Variants in IL33 observed in about 807,000 individuals in gnomAD.
IL33 encodes the protein interleukin 33.
IL33 carries 37 observed loss-of-function variants against 27.3 expected under a neutral mutation model. The ratio of observed to expected loss-of-function variants is 1.36; its 90% CI spans 1.04 to 1.78. The LOEUF (loss-of-function observed/expected upper bound fraction) is 1.78. Ranked by LOEUF, IL33 falls within the 40% of genes most tolerant of loss-of-function variation. The pLI is 0.00. For missense variants in IL33, 406 were observed against 311.4 expected, an observed-to-expected ratio of 1.30 and a Z score of -2.29; for synonymous variants, 132 against 102.9, an observed-to-expected ratio of 1.28 and a Z score of -1.71.
intron 5 of IL33, 101 bp downstream of exon 5, chr9:6,253,092 T>A (rs1210791722): frequency 1.2e-6 from 1 of 828,212 alleles, no homozygotes; most frequent in Non-Finnish European, 1.8e-6. Context: ...AACTTAGACA[T>A]GGCAAACAGG....
intron 4 of IL33, 102 bp from the exon 5 acceptor site, chr9:6,252,764 C>T: frequency 1.4e-6 from 2 of 1,393,916 alleles, no homozygotes; most frequent in Non-Finnish European, 2.0e-6. Flanking sequence ...CAGTGACATA[C>T]AAAATGCAAC....
At chr9:6,220,475 C>A (rs1818361009) in intron 1 of IL33, among the ~76,000 whole-genome samples, 1 of 152,150 alleles carries the variant, frequency 6.6e-6, no homozygotes, top group South Asian at 2.1e-4. Flanking sequence ...TTATTACTGG[C>A]AATTGTTTAA....
chr9:6,255,659 C>G (rs544344979), intron 7 of IL33, among the ~76,000 whole-genome samples: 1 of 152,154 alleles, frequency 6.6e-6, no homozygotes, highest in East Asian at 1.9e-4. Context: ...AAAGCAACAT[C>G]CCCAAGATCT....
At chr9:6,223,881 C>A (rs1448580994) in intron 1 of IL33, among the ~76,000 whole-genome samples, 1 of 152,092 alleles carries the variant, frequency 6.6e-6, no homozygotes, top group African/African-American at 2.4e-5. Context: ...GTCTTCCCAC[C>A]CTTCTACTCT....
At chr9:6,246,648 C>T (rs1383877968) in intron 2 of IL33, among the ~76,000 whole-genome samples, 1 of 152,104 alleles carries the variant, frequency 6.6e-6, no homozygotes, top group Admixed American at 6.6e-5. Context: ...TGGATTAATG[C>T]CATTGTCATG....
chr9:6,238,936 C>T (rs761409596), intron 1 of IL33, among the ~76,000 whole-genome samples: 1 of 152,082 alleles, frequency 6.6e-6, no homozygotes, highest in Non-Finnish European at 1.5e-5. Context: ...TTTTTCAGTA[C>T]GATACAGTGA....
Position 6,254,514 on chromosome 9 carries a change from C to T in IL33, c.573C>T (p.Asp191=), listed in dbSNP as rs1473830843. The T allele has an allele frequency of 3.8e-6, 6 of 1,596,316 alleles. No individual in the cohort carries two copies. Among genetic ancestry groups the T allele is most frequent in the Non-Finnish European group, 5.1e-6 (6 of 1,169,492 alleles). Residue 191 remains aspartate (D), a synonymous_variant, in exon 7 of 8, where the codon GAC becomes GAT. Transcript: ENST00000682010. ...MLMVTLSPTK[D]FWLHANNKEH... is the part of the protein sequence containing the mutation. ...TGGTAACCCTGAGTCCTACAAAAGA[C>T]TTCTGGTTGCATGCCAACAACAAGG... is the stretch of plus-strand genomic sequence containing the variant.
At chr9:6,234,932 T>C (rs1311356881) in intron 1 of IL33, among the ~76,000 whole-genome samples, 1 of 152,232 alleles carries the variant, frequency 6.6e-6, no homozygotes, top group African/African-American at 2.4e-5. Flanking sequence ...TGCATACTGG[T>C]CCCAACATAA....
At chr9:6,234,443 C>A (rs1819081480) in intron 1 of IL33, among the ~76,000 whole-genome samples, 1 of 152,194 alleles carries the variant, frequency 6.6e-6, no homozygotes, top group Non-Finnish European at 1.5e-5. Flanking sequence ...CCCTCATCCC[C>A]AGTCCAGAGC....
At chr9:6,236,018 T>TAC (rs61318432) in intron 1 of IL33, among the ~76,000 whole-genome samples, 24,009 of 139,456 alleles carry the variant, frequency 0.17, 2,016 homozygotes, top group East Asian at 0.24. Context: ...CCCACACCCA[T>TAC]ACACACACAC....
intron 4 of IL33, among the ~76,000 whole-genome samples, chr9:6,251,660 T>C (rs1049526153): frequency 1.3e-5 from 2 of 152,178 alleles, no homozygotes; most frequent in South Asian, 2.1e-4. Flanking sequence ...TTTTAAGTAG[T>C]AGTTAAGATG....
chr9:6,233,810 G>A (rs548736893), intron 1 of IL33, among the ~76,000 whole-genome samples: 74 of 152,248 alleles, frequency 4.9e-4, no homozygotes, highest in African/African-American at 1.7e-3. Context: ...CCACACTACT[G>A]TGTAAAGATA....
chr9:6,233,691 A>G lies in IL33; in HGVS notation c.-11-7993A>G, dbSNP rs551264666. On this transcript the variant is annotated intron_variant, in intron 1 of 7. Coordinates refer to ENST00000682010, the MANE Select transcript of IL33 (RefSeq NM_033439.4). Reference sequence around the variant, plus strand: ...TTAAATTATGAAATTATTATGGGTAATATAACAGTTATTATGAAAATTTTC... The same window carrying G: ...TTAAATTATGAAATTATTATGGGTAGTATAACAGTTATTATGAAAATTTTC... 3.3e-5 allele frequency among the ~76,000 whole-genome samples: 5 copies of G among 152,328 alleles called. No homozygotes were observed. In the South Asian group the frequency reaches 1.0e-3, roughly 32 times the overall value.
rs561627953 is a variant in IL33, at chr9:6,238,638, G to A, written c.-11-3046G>A. Reference sequence around the variant, plus strand: ...TGCTCTTCTTTTAACTGCTAGAAGAGATTATTCATATGAAGCTCATAAGAG... The same window carrying A: ...TGCTCTTCTTTTAACTGCTAGAAGAAATTATTCATATGAAGCTCATAAGAG... On this transcript the variant is annotated intron_variant, in intron 1 of 7. Coordinates refer to ENST00000682010, the MANE Select transcript of IL33 (RefSeq NM_033439.4). Among the ~76,000 whole-genome samples the A allele has an allele frequency of 7.9e-5, 12 of 152,272 alleles. 1 individual carries two copies. The South Asian group carries it at 2.5e-3, about 32-fold the overall frequency.
intron 2 of IL33, among the ~76,000 whole-genome samples, chr9:6,246,245 T>A (rs984716259): frequency 1.3e-5 from 2 of 152,010 alleles, no homozygotes; most frequent in African/African-American, 4.8e-5. Flanking sequence ...CATGTTGAAA[T>A]GTAATTACCA....
intron 2 of IL33, among the ~76,000 whole-genome samples, chr9:6,247,084 A>G (rs1245187533): frequency 6.6e-6 from 1 of 152,188 alleles, no homozygotes; most frequent in Non-Finnish European, 1.5e-5. Flanking sequence ...CCAAAGATAG[A>G]GTTACAGTTT....
chr9:6,242,212 AC>A (rs752306331), intron 2 of IL33: 5 of 152,794 alleles, frequency 3.3e-5, no homozygotes, highest in Non-Finnish European at 7.3e-5. Context: ...TTAACTTGCG[AC>A]TACTGATGAA....
chr9:6,243,219 A>G (rs1394032311), intron 2 of IL33, among the ~76,000 whole-genome samples: 1 of 152,238 alleles, frequency 6.6e-6, no homozygotes, highest in African/African-American at 2.4e-5. Flanking sequence ...AAGTCTATCT[A>G]GCTGCAAACT....
At chr9:6,228,015 C>T (rs1452093838) in intron 1 of IL33, among the ~76,000 whole-genome samples, 1 of 152,104 alleles carries the variant, frequency 6.6e-6, no homozygotes, top group African/African-American at 2.4e-5. Flanking sequence ...CCCTCTGTAC[C>T]TCAGTTTCCT....
Sources: allele counts gnomAD v4.1 joint callset (sites outside exome capture counted in the v4.1 genomes callset), GRCh38; gene constraint gnomAD v4.1.1; transcripts MANE v1.5; gene names NCBI Gene and HGNC (gene_info 2026-07-23, HGNC 2026-07-21).